The following NBEA variants were observed in gnomAD, a reference collection of about 807,000 sequenced individuals.
The protein encoded by NBEA is neurobeachin, also known as lysosomal-trafficking regulator 2.
Under a neutral mutation model 343.4 loss-of-function variants are expected in NBEA, and 44 were observed. That is an observed-to-expected ratio of 0.13 (90% confidence interval 0.10 to 0.16). NBEA has a LOEUF of 0.16. Ranked by LOEUF, NBEA falls within the 10% of genes least tolerant of loss-of-function variation. The probability of loss-of-function intolerance (pLI) is 1.00; values close to 1 mark genes in which losing one functional copy is unlikely to be tolerated. For missense variants in NBEA, 2,555 were observed against 3,631.3 expected (o/e 0.70, Z 7.62); for synonymous variants, 1,175 against 1,238.7 (o/e 0.95, Z 1.08).
intron 30 of NBEA, among the ~76,000 whole-genome samples, chr13:35,191,144 C>T (rs1204483665): frequency 2.0e-5 from 3 of 152,016 alleles, no homozygotes; most frequent in Non-Finnish European, 4.4e-5. Flanking sequence ...CCTCACAGAC[C>T]TTTGTGACAC....
rs963439605 is a variant in NBEA at position 35,670,445 on chromosome 13, G to A, written c.8814-456G>A. On this transcript the variant is annotated intron_variant, in intron 58 of 58. Coordinates refer to ENST00000379939, the MANE Select transcript of NBEA (RefSeq NM_001385012.1). ...ATCTGGGGCTTCAGAATGAGACGTC[G>A]TTGCCTTTACGTCCAGGGAGACTGT... Among the ~76,000 whole-genome samples the A allele has an allele frequency of 2.6e-5, 4 of 152,162 alleles. No homozygotes were observed. The South Asian group carries it at 6.2e-4, about 24-fold the overall frequency.
At chr13:35,493,326 A>C (rs2152975080) in intron 41 of NBEA, among the ~76,000 whole-genome samples, 1 of 152,096 alleles carries the variant, frequency 6.6e-6, no homozygotes, top group African/African-American at 2.4e-5. Flanking sequence ...AGATTTGATA[A>C]GCAGTTTTAT....
intron 1 of NBEA, among the ~76,000 whole-genome samples, chr13:35,032,171 T>C (rs771351317): frequency 2.6e-5 from 4 of 151,882 alleles, no homozygotes; most frequent in Non-Finnish European, 5.9e-5. Flanking sequence ...TACCCAGTAA[T>C]GGGATTGCTG....
intron 10 of NBEA, among the ~76,000 whole-genome samples, chr13:35,087,823 A>T (rs1350002633): frequency 6.6e-6 from 1 of 151,958 alleles, no homozygotes; most frequent in Non-Finnish European, 1.5e-5. Flanking sequence ...AACAAATGGT[A>T]TAACCAGAGA....
intron 34 of NBEA, among the ~76,000 whole-genome samples, chr13:35,266,605 A>T (rs2033702545): frequency 6.6e-6 from 1 of 151,834 alleles, no homozygotes; most frequent in Non-Finnish European, 1.5e-5. Flanking sequence ...ATATTGCATC[A>T]TCTCACTCAC....
At position 35,422,707 on chromosome 13, in the gene NBEA, A is replaced by C. The variant is rs548899218; in HGVS notation, c.6180-9562A>C. On this transcript the variant is annotated intron_variant, in intron 38 of 58. Coordinates refer to ENST00000379939, the MANE Select transcript of NBEA (RefSeq NM_001385012.1). Reference sequence around the variant, plus strand: ...TCAAATGGTATTTCTAGTTCTAGATACCTGAGGAATCGCCACACTGTCTTC... The same window carrying C: ...TCAAATGGTATTTCTAGTTCTAGATCCCTGAGGAATCGCCACACTGTCTTC... Among the ~76,000 whole-genome samples the C allele has an allele frequency of 6.5e-3, 985 of 152,198 alleles. 17 individuals are homozygous for C. The highest frequency in any genetic ancestry group is 0.02 in the African/African-American group (838 of 41,556).
rs188638971 is a variant in NBEA, at chr13:35,566,243, C to A, written c.6923-662C>A. Among the ~76,000 whole-genome samples, 134 of 152,156 alleles carry A rather than the reference C, an allele frequency of 8.8e-4. 1 individual carries two copies. The highest frequency in any genetic ancestry group is 3.0e-3 in the African/African-American group (123 of 41,498). ...AGGTGCGGTGGCGCGTGCCTGTAAT[C>A]CCAGCTACTCAGGAGGCTGAGGCAG... On this transcript the variant is annotated intron_variant, in intron 44 of 58. Transcript: ENST00000379939.
chr13:34,951,670 G>T (rs2059354234), intron 1 of NBEA, among the ~76,000 whole-genome samples: 1 of 152,112 alleles, frequency 6.6e-6, no homozygotes, highest in South Asian at 2.1e-4. Flanking sequence ...TTCTTACTTT[G>T]CATGAGGAGG....
intron 1 of NBEA, among the ~76,000 whole-genome samples, chr13:35,029,489 G>A (rs1282617659): frequency 6.6e-6 from 1 of 151,600 alleles, no homozygotes; most frequent in Non-Finnish European, 1.5e-5. Context: ...CCTTATGGCA[G>A]TAGCTGGGAA....
intron 26 of NBEA, among the ~76,000 whole-genome samples, chr13:35,173,108 A>T (rs929964754): frequency 9.1e-5 from 5 of 54,976 alleles, no homozygotes; most frequent in Non-Finnish European, 1.9e-4. Flanking sequence ...TAAATCAAAT[A>T]TGAATTTTAT....
intron 17 of NBEA, among the ~76,000 whole-genome samples, chr13:35,130,886 A>G (rs1219892236): frequency 1.3e-5 from 2 of 152,064 alleles, no homozygotes; most frequent in Non-Finnish European, 2.9e-5. Flanking sequence ...CTAAATAACT[A>G]TAACAAGAAG....
Position 35,215,138 on chromosome 13 carries a change from G to A in NBEA, c.5648+3959G>A, listed in dbSNP as rs144525149. On this transcript the variant is annotated intron_variant, in intron 33 of 58. Coordinates refer to ENST00000379939, the MANE Select transcript of NBEA (RefSeq NM_001385012.1). ...TTTCTGGGTTAATTCGCATTTTCATGTAAATTTTAGAAGTGACTTGTCAAT... is the reference window on the plus strand; with the variant it reads ...TTTCTGGGTTAATTCGCATTTTCATATAAATTTTAGAAGTGACTTGTCAAT... 9.9e-5 allele frequency among the ~76,000 whole-genome samples: 15 copies of A among 151,372 alleles called. 1 individual carries two copies. The East Asian group carries it at 2.9e-3, about 29-fold the overall frequency.
chr13:35,432,213 A>G (rs1300275346), intron 38 of NBEA, 56 bp from the exon 39 acceptor site: 4 of 1,410,382 alleles, frequency 2.8e-6, no homozygotes, highest in Non-Finnish European at 3.8e-6. Flanking sequence ...AGAAAAATGT[A>G]TTTCCAGCTA....
chr13:35,084,138 C>T (rs937067858), intron 10 of NBEA, among the ~76,000 whole-genome samples: 6 of 152,108 alleles, frequency 3.9e-5, no homozygotes, highest in African/African-American at 1.4e-4. Context: ...GAGACTTTAA[C>T]ACCCCACTGT....
chr13:35,167,973 C>T (rs995135825), intron 24 of NBEA, among the ~76,000 whole-genome samples: 5 of 151,784 alleles, frequency 3.3e-5, no homozygotes, highest in African/African-American at 9.7e-5. Flanking sequence ...ACATTTCTAG[C>T]TCTCCTAATA....
chr13:35,282,181 G>A (rs2152811937), intron 34 of NBEA, among the ~76,000 whole-genome samples: 1 of 151,972 alleles, frequency 6.6e-6, no homozygotes, highest in South Asian at 2.1e-4. Flanking sequence ...CAAAGTGCTG[G>A]GATTACAGGC....
intron 26 of NBEA, among the ~76,000 whole-genome samples, chr13:35,172,848 T>C (rs762936450): frequency 4.6e-5 from 7 of 152,138 alleles, no homozygotes; most frequent in Non-Finnish European, 8.8e-5. Flanking sequence ...GGTCACGGTC[T>C]GATTTCAAAC....
chr13:35,058,583 A>C (rs1476305907), intron 7 of NBEA, 134 bp from the exon 8 acceptor site: 20 of 713,994 alleles, frequency 2.8e-5, no homozygotes, highest in Non-Finnish European at 3.9e-5. Flanking sequence ...TAAAATAATA[A>C]AGTCTTAATT....
intron 38 of NBEA, among the ~76,000 whole-genome samples, chr13:35,425,133 G>C (rs1031216697): frequency 6.6e-6 from 1 of 152,004 alleles, no homozygotes; most frequent in Admixed American, 6.6e-5. Context: ...AGGGTTTTTT[G>C]TGTCTCTATT....
Sources: gnomAD v4.1 joint callset for allele counts (sites outside exome capture counted in the v4.1 genomes callset) on GRCh38, gnomAD v4.1.1 for gene constraint, MANE v1.5 for transcripts, NCBI Gene and HGNC (gene_info 2026-07-23, HGNC 2026-07-21) for gene names.